Variants in LYPLA1 observed in about 807,000 individuals in gnomAD.
LYPLA1 encodes lysophospholipase 1.
A neutral mutation model predicts 34.0 loss-of-function variants in LYPLA1; 17 were observed. The observed-to-expected ratio is 0.50, with a 90% CI of 0.34 to 0.75. The LOEUF (loss-of-function observed/expected upper bound fraction) is 0.75, where lower values mean the gene tolerates loss of function less well. Among genes scored for constraint, LYPLA1 ranks in the 30% least tolerant of loss-of-function variants. The probability of loss-of-function intolerance (pLI) is 0.01; values close to 1 mark genes in which losing one functional copy is unlikely to be tolerated. For synonymous variants in LYPLA1, 98 were observed against 100.8 expected (o/e 0.97, Z 0.17); for missense variants, 203 against 288.8 (o/e 0.70, Z 2.15).
At chr8:54,074,872 G>A (rs1391616886) in intron 2 of LYPLA1, among the ~76,000 whole-genome samples, 1 of 152,246 alleles carries the variant, frequency 6.6e-6, no homozygotes, top group South Asian at 2.1e-4. Context: ...CCAATCAGGA[G>A]AGTCTTCTGC....
At chr8:54,088,005 G>C (rs917472411) in intron 2 of LYPLA1, among the ~76,000 whole-genome samples, 3 of 152,154 alleles carry the variant, frequency 2.0e-5, no homozygotes, top group Non-Finnish European at 4.4e-5. Flanking sequence ...TAGCAACTTA[G>C]AACTTTTTAA....
At chr8:54,063,474 A>G (rs1294754653) in intron 3 of LYPLA1, 99 bp from the exon 4 acceptor site, 2 of 747,358 alleles carry the variant, frequency 2.7e-6, no homozygotes, top group African/African-American at 3.6e-5. Context: ...GACCTACACA[A>G]AACTATATGC....
intron 6 of LYPLA1, chr8:54,053,702 A>T (rs531385499): frequency 4.4e-6 from 2 of 456,316 alleles, no homozygotes; most frequent in South Asian, 3.1e-5. Context: ...TGGAAAAGCT[A>T]TAGGCTGCAA....
chr8:54,081,556 T>C (rs1808321659), intron 2 of LYPLA1, among the ~76,000 whole-genome samples: 1 of 152,054 alleles, frequency 6.6e-6, no homozygotes, highest in Non-Finnish European at 1.5e-5. Context: ...TAAGCGATTC[T>C]CCTACCTCAG....
chr8:54,065,808 C>G lies in LYPLA1; in HGVS notation c.107G>C (p.Gly36Ala). ...FLHGLGDTGH[G>A]WAEAFAGIRS... ...GATACCTGCAAAGGCTTCTGCCCAT[C>G]CGTGCCTGGTGGAAAAATCATTGAA... Residue 36 changes from glycine (G) to alanine (A), a missense_variant, in exon 3 of 9, where the codon GGA becomes GCA. This residue lies in a region of LYPLA1 where 75 missense variants were observed against 73.5 expected (regional missense o/e 1.02). Coordinates refer to ENST00000316963, the MANE Select transcript of LYPLA1 (RefSeq NM_006330.4). 6.2e-7 allele frequency: 1 copy of G among 1,613,400 alleles called. No individual in the cohort carries two copies. Among genetic ancestry groups the G allele is most frequent in the Non-Finnish European group, 8.5e-7 (1 of 1,179,400 alleles).
At chr8:54,095,862 T>C (rs1248774373) in intron 2 of LYPLA1, among the ~76,000 whole-genome samples, 1 of 151,856 alleles carries the variant, frequency 6.6e-6, no homozygotes, top group Non-Finnish European at 1.5e-5. Context: ...GGTATTACCA[T>C]ACCCGGCCTG....
chr8:54,083,876 G>A (rs894025958), intron 2 of LYPLA1, among the ~76,000 whole-genome samples: 5 of 152,012 alleles, frequency 3.3e-5, no homozygotes, highest in African/African-American at 7.3e-5. Context: ...GGTGGCTCAC[G>A]CCTGTAATCC....
At chr8:54,072,205 C>T (rs901141681) in intron 2 of LYPLA1, among the ~76,000 whole-genome samples, 3 of 152,052 alleles carry the variant, frequency 2.0e-5, no homozygotes, top group Non-Finnish European at 4.4e-5. Context: ...AGAAACTGGA[C>T]CCCCACCTAA....
intron 2 of LYPLA1, among the ~76,000 whole-genome samples, chr8:54,082,094 C>A (rs1418573691): frequency 6.6e-6 from 1 of 152,150 alleles, no homozygotes; most frequent in African/African-American, 2.4e-5. Context: ...CAGACTGTAT[C>A]CTCAACGAAA....
chr8:54,092,160 C>T (rs1462246464), intron 2 of LYPLA1, among the ~76,000 whole-genome samples: 7 of 144,912 alleles, frequency 4.8e-5, no homozygotes, highest in South Asian at 2.2e-4. Flanking sequence ...GAGGCGGCGG[C>T]GGAGGAGAAC....
rs935004714 is a variant in LYPLA1, at chr8:54,097,376, G to A, written c.101+3532C>T. 3.0e-4 allele frequency among the ~76,000 whole-genome samples: 46 copies of A among 152,152 alleles called. 1 individual carries two copies. The highest frequency in any genetic ancestry group is 6.5e-5 in the Admixed American group (1 of 15,272). ...GGACTAGCCTGTTCTCTGCAGAAGT[G>A]TCAATGTCGTGAAAGACAAAAGAAA... is the stretch of plus-strand genomic sequence containing the variant. On this transcript the variant is annotated intron_variant, in intron 2 of 8. Transcript: ENST00000316963.
chr8:54,100,175 A>G (rs1441259486), intron 2 of LYPLA1: 2 of 152,186 alleles, frequency 1.3e-5, no homozygotes, highest in African/African-American at 4.8e-5. Flanking sequence ...TAAAAGATAA[A>G]TCATGTATCT....
At chr8:54,101,492 G>A (rs35318714) in intron 1 of LYPLA1, 10 of 1,120,918 alleles carry the variant, frequency 8.9e-6, no homozygotes, top group Non-Finnish European at 9.8e-6. Context: ...CCGTGCCCTA[G>A]GCCGGCCCGC....
At chr8:54,088,276 G>A (rs1032732074) in intron 2 of LYPLA1, among the ~76,000 whole-genome samples, 19 of 152,172 alleles carry the variant, frequency 1.2e-4, no homozygotes, top group Non-Finnish European at 2.5e-4. Flanking sequence ...TTTAAGAGAA[G>A]TTACTATTTA....
chr8:54,097,532 C>T (rs79365674), intron 2 of LYPLA1, among the ~76,000 whole-genome samples: 1 of 152,182 alleles, frequency 6.6e-6, no homozygotes, highest in Non-Finnish European at 1.5e-5. Flanking sequence ...AGGTTGAATG[C>T]ATAATATATT....
intron 7 of LYPLA1, 144 bp downstream of exon 7, chr8:54,052,511 T>G: frequency 3.4e-6 from 2 of 595,610 alleles, no homozygotes; most frequent in Non-Finnish European, 6.0e-6. Context: ...CTCTGTACCT[T>G]CTGCTCAGTT....
intron 2 of LYPLA1, among the ~76,000 whole-genome samples, chr8:54,070,187 T>G (rs761284493): frequency 8.5e-5 from 13 of 152,318 alleles, no homozygotes; most frequent in South Asian, 2.1e-4. Context: ...TGGTGGCTCA[T>G]GCCTGTAAAC....
chr8:54,066,804 G>A (rs891799052), intron 2 of LYPLA1, among the ~76,000 whole-genome samples: 1 of 149,858 alleles, frequency 6.7e-6, no homozygotes, highest in Non-Finnish European at 1.5e-5. Context: ...AGAAAAAAAA[G>A]AAAAAGAAAA....
At chr8:54,078,448 T>A (rs1447515382) in intron 2 of LYPLA1, among the ~76,000 whole-genome samples, 1 of 152,214 alleles carries the variant, frequency 6.6e-6, no homozygotes, top group Non-Finnish European at 1.5e-5. Flanking sequence ...AAAGTATACA[T>A]GGTCCCCAAT....
Sources: allele counts gnomAD v4.1 joint callset (sites outside exome capture counted in the v4.1 genomes callset), GRCh38; gene constraint gnomAD v4.1.1; regional missense constraint gnomAD v4.1.1; transcripts MANE v1.5; gene names NCBI Gene and HGNC (gene_info 2026-07-23, HGNC 2026-07-21).